The following SLC24A2 variants were observed in gnomAD, a reference collection of about 807,000 sequenced individuals.
SLC24A2 encodes the protein sodium/potassium/calcium exchanger 2.
Under a neutral mutation model 62.0 loss-of-function variants are expected in SLC24A2, and 36 were observed. That is an observed-to-expected ratio of 0.58 (90% CI 0.44 to 0.77). The LOEUF (loss-of-function observed/expected upper bound fraction) is 0.77, where lower values mean the gene tolerates loss of function less well. Among genes scored for constraint, SLC24A2 ranks in the 30% least tolerant of loss-of-function variants. The pLI is 0.00. For synonymous variants in SLC24A2, 358 were observed against 294.0 expected (o/e 1.22, Z -2.23); for missense variants, 846 against 817.9 (o/e 1.03, Z -0.42).
the SLC24A2 span, among the ~76,000 whole-genome samples, chr9:19,892,026 A>G: frequency 6.6e-6 from 1 of 152,144 alleles, no homozygotes; most frequent in South Asian, 2.1e-4. Context: ...ACCTCTTCAG[A>G]TTGAGTTCCC....
At chr9:20,098,287 G>A in the SLC24A2 span, among the ~76,000 whole-genome samples, 1 of 152,312 alleles carries the variant, frequency 6.6e-6, no homozygotes, top group African/African-American at 2.4e-5. Flanking sequence ...GCAAGGAAAT[G>A]TAGAACTCAA....
intron 2 of SLC24A2, among the ~76,000 whole-genome samples, chr9:19,683,657 C>T (rs973199043): frequency 3.3e-5 from 5 of 151,946 alleles, no homozygotes; most frequent in African/African-American, 1.2e-4. Context: ...TAAATGGAGG[C>T]TTTCAACCAG....
At chr9:20,046,377 A>G in the SLC24A2 span, among the ~76,000 whole-genome samples, 3 of 152,252 alleles carry the variant, frequency 2.0e-5, no homozygotes, top group African/African-American at 7.2e-5. Context: ...CTCACAGAGT[A>G]AGGAAGCACT....
At chr9:19,563,227 T>C (rs995686305) in intron 7 of SLC24A2, among the ~76,000 whole-genome samples, 1 of 152,156 alleles carries the variant, frequency 6.6e-6, no homozygotes, top group Non-Finnish European at 1.5e-5. Flanking sequence ...CAGACATAAA[T>C]ACACACACAC....
intron 7 of SLC24A2, among the ~76,000 whole-genome samples, chr9:19,554,991 T>C (rs1479620128): frequency 2.6e-5 from 4 of 152,208 alleles, no homozygotes; most frequent in Non-Finnish European, 2.9e-5. Flanking sequence ...CTGGTCTCTC[T>C]ATAAGATATC....
chr9:20,151,928 T>C, the SLC24A2 span, among the ~76,000 whole-genome samples: 1 of 151,834 alleles, frequency 6.6e-6, no homozygotes, highest in African/African-American at 2.4e-5. Flanking sequence ...GTTGCATGAA[T>C]TTCTATTATA....
intron 2 of SLC24A2, among the ~76,000 whole-genome samples, chr9:19,655,218 G>GT (rs1296255018): frequency 1.3e-5 from 2 of 152,202 alleles, no homozygotes; most frequent in Non-Finnish European, 2.9e-5. Flanking sequence ...TCCACCTGTT[G>GT]TTTTGGTAGT....
chr9:19,525,538 G>T (rs1449810590), intron 9 of SLC24A2, among the ~76,000 whole-genome samples: 1 of 151,226 alleles, frequency 6.6e-6, no homozygotes, highest in African/African-American at 2.4e-5. Flanking sequence ...CGAGTAGCTG[G>T]GACTACAGGC....
chr9:20,020,134 T>G, the SLC24A2 span, among the ~76,000 whole-genome samples: 1 of 152,212 alleles, frequency 6.6e-6, no homozygotes, highest in South Asian at 2.1e-4. Flanking sequence ...CAGTGTAAAT[T>G]AGTTCAACCA....
chr9:19,853,397 G>T, the SLC24A2 span, among the ~76,000 whole-genome samples: 1 of 152,090 alleles, frequency 6.6e-6, no homozygotes, highest in African/African-American at 2.4e-5. Context: ...GTTTTCAAGG[G>T]CAATGCTTCT....
chr9:19,663,668 T>G (rs1273875620), intron 2 of SLC24A2, among the ~76,000 whole-genome samples: 1 of 152,166 alleles, frequency 6.6e-6, no homozygotes, highest in Non-Finnish European at 1.5e-5. Flanking sequence ...GCCCTCCTGT[T>G]TCTGCAATGA....
the SLC24A2 span, among the ~76,000 whole-genome samples, chr9:19,942,453 C>A: frequency 6.6e-6 from 1 of 152,142 alleles, no homozygotes; most frequent in African/African-American, 2.4e-5. Flanking sequence ...ATCGAGGTCA[C>A]ATTTCCTCTA....
the SLC24A2 span, among the ~76,000 whole-genome samples, chr9:19,907,177 A>C: frequency 2.0e-5 from 3 of 152,186 alleles, no homozygotes; most frequent in Admixed American, 6.6e-5. Context: ...TCAACATACG[A>C]AAATCAATAA....
At chr9:20,185,874 C>G in the SLC24A2 span, among the ~76,000 whole-genome samples, 1 of 152,064 alleles carries the variant, frequency 6.6e-6, no homozygotes, top group Non-Finnish European at 1.5e-5. Context: ...AAAGCAGACA[C>G]CCCCACACTC....
At chr9:19,799,992 T>G in the SLC24A2 span, among the ~76,000 whole-genome samples, 1,083 of 152,318 alleles carry the variant, frequency 7.1e-3, 8 homozygotes, top group Non-Finnish European at 0.011. Context: ...TCGGCGGCTC[T>G]GAGAAATTCT....
At chr9:19,909,476 T>C in the SLC24A2 span, among the ~76,000 whole-genome samples, 2 of 151,738 alleles carry the variant, frequency 1.3e-5, no homozygotes, top group Admixed American at 1.3e-4. Flanking sequence ...AAACTTAAAG[T>C]ATAAAAAAAA....
At chr9:20,173,132 AC>A in the SLC24A2 span, among the ~76,000 whole-genome samples, 1 of 151,896 alleles carries the variant, frequency 6.6e-6, no homozygotes, top group Non-Finnish European at 1.5e-5. Flanking sequence ...AAATCCAGCA[AC>A]CCTTTATGAT....
the SLC24A2 span, among the ~76,000 whole-genome samples, chr9:20,171,312 A>AC: frequency 1.3e-5 from 2 of 151,732 alleles, no homozygotes; most frequent in Non-Finnish European, 2.9e-5. Flanking sequence ...AATAAAAAAA[A>AC]ACAAGGTATA....
chr9:19,611,387 AGGAAGGAGG>A (rs1055183019), intron 4 of SLC24A2, among the ~76,000 whole-genome samples: 7 of 140,150 alleles, frequency 5.0e-5, no homozygotes, highest in Middle Eastern at 3.6e-3. Flanking sequence ...GATGAGGGAG[AGGAAGGAGG>A]GGAAGGAGGG....
Sources: gnomAD v4.1 joint callset for allele counts (sites outside exome capture counted in the v4.1 genomes callset) on GRCh38, gnomAD v4.1.1 for gene constraint, MANE v1.5 for transcripts, NCBI Gene and HGNC (gene_info 2026-07-23, HGNC 2026-07-21) for gene names.